TBCD: variants seen among roughly 807,000 people sequenced by gnomAD.
The protein encoded by TBCD is tubulin folding cofactor D, also known as tubulin-specific chaperone D.
TBCD carries 105 observed loss-of-function variants against 169.3 expected under a neutral mutation model. That is an observed-to-expected ratio of 0.62 (90% CI 0.53 to 0.73). The LOEUF (loss-of-function observed/expected upper bound fraction) is 0.73, where lower values mean the gene tolerates loss of function less well. Among genes scored for constraint, TBCD ranks in the 30% least tolerant of loss-of-function variants. The probability of loss-of-function intolerance (pLI) is 0.00; values close to 1 mark genes in which losing one functional copy is unlikely to be tolerated. For missense variants in TBCD, 1,444 were observed against 1,600.1 expected (o/e 0.90, Z 1.66); for synonymous variants, 700 against 643.9 (o/e 1.09, Z -1.32).
At position 82,844,596 on chromosome 17, in the gene TBCD, G is replaced by C. The variant is rs2054842531; in HGVS notation, c.1319-25628G>C. Among the ~76,000 whole-genome samples the C allele has an allele frequency of 2.0e-5, 3 of 152,060 alleles. No homozygotes were observed. In the South Asian group the frequency reaches 6.2e-4, roughly 32 times the overall value. ...GGCTTCTTGGTCTGAGGCATTTCCT[G>C]CTGTCCCTGCACTTCCAGGCTCCTC... On this transcript the variant is annotated intron_variant, in intron 13 of 38. Coordinates refer to ENST00000355528, the MANE Select transcript of TBCD (RefSeq NM_005993.5).
chr17:82,916,808 T>C (rs2061067446), intron 23 of TBCD, among the ~76,000 whole-genome samples: 1 of 152,132 alleles, frequency 6.6e-6, no homozygotes, highest in Non-Finnish European at 1.5e-5. Flanking sequence ...TTCATACTTG[T>C]TCCATAATCT....
intron 12 of TBCD, among the ~76,000 whole-genome samples, chr17:82,812,184 T>C (rs1278744877): frequency 6.6e-6 from 1 of 152,068 alleles, no homozygotes; most frequent in Admixed American, 6.5e-5. Flanking sequence ...CCAACCCCAT[T>C]GGTTTCTCCC....
intron 18 of TBCD, among the ~76,000 whole-genome samples, chr17:82,901,530 T>TGCTTCCTGGGGAGCGGCCCG (rs1201883201): frequency 5.3e-4 from 74 of 140,656 alleles, no homozygotes; most frequent in African/African-American, 2.0e-3. Context: ...ACTGTGGTCC[T>TGCTTCCTGGGGAGCGGCCCG]GCTGCCTACT....
At chr17:82,891,408 G>C (rs2059126949) in intron 16 of TBCD, among the ~76,000 whole-genome samples, 1 of 152,252 alleles carries the variant, frequency 6.6e-6, no homozygotes, top group African/African-American at 2.4e-5. Flanking sequence ...TGACCAGCAT[G>C]CGGACGGCAG....
intron 13 of TBCD, chr17:82,858,637 C>G: frequency 2.0e-6 from 2 of 985,396 alleles, no homozygotes; most frequent in Non-Finnish European, 2.4e-6. Context: ...ACACAGGACA[C>G]TTTTTAGGGT....
Position 82,923,865 on chromosome 17 carries a change from T to A in TBCD, c.2260+132T>A. ...ACCACGATCATGGCTGGAGTGGGAC[T>A]GTTCGGGTCTCAGGTTCCCAGCCGA... On this transcript the variant is annotated intron_variant, in intron 26 of 38. Transcript: ENST00000355528. The surrounding 1 kb of genome is among the most constrained non-coding windows in gnomAD (Gnocchi z 4.6). 1.4e-6 allele frequency: 1 copy of A among 714,744 alleles called. No individual in the cohort carries two copies. The highest frequency in any genetic ancestry group is 2.3e-6 in the Non-Finnish European group (1 of 437,484). 44.3% of individuals were successfully genotyped at this position (714,744 alleles called of 1,614,324 possible).
intron 13 of TBCD, among the ~76,000 whole-genome samples, chr17:82,855,235 C>CTTTTTTTTTTTTTT (rs58346723): frequency 1.9e-5 from 1 of 53,992 alleles, no homozygotes; most frequent in African/African-American, 6.5e-5. Context: ...AAGGTGTTTG[C>CTTTTTTTTTTTTTT]TTTTTTTTTT....
At chr17:82,917,756 C>T (rs190218999) in intron 23 of TBCD, among the ~76,000 whole-genome samples, 35 of 152,308 alleles carry the variant, frequency 2.3e-4, no homozygotes, top group African/African-American at 7.2e-4. Flanking sequence ...AGGGCTCTAC[C>T]GCTTCTCCCT....
At chr17:82,791,313 GATCTCCTGACCTC>G (rs1343777137) in intron 7 of TBCD, among the ~76,000 whole-genome samples, 1 of 152,018 alleles carries the variant, frequency 6.6e-6, no homozygotes, top group Non-Finnish European at 1.5e-5. Flanking sequence ...GGATGGTCTC[GATCTCCTGACCTC>G]GTGATCTGCC....
rs377189199 is a variant in TBCD at position 82,927,285 on chromosome 17, C to T, written c.2571C>T (p.Asp857=). Residue 857 remains aspartate (D), a synonymous_variant, in exon 29 of 39, where the codon GAC becomes GAT. Coordinates refer to ENST00000355528, the MANE Select transcript of TBCD (RefSeq NM_005993.5). Reference sequence around the variant, plus strand: ...ACTGTGCGCTGCTGGGCTGCATGGACGACTACACCACGGACAGCAGAGGGG... The same window carrying T: ...ACTGTGCGCTGCTGGGCTGCATGGATGACTACACCACGGACAGCAGAGGGG... ...QIYCALLGCM[D]DYTTDSRGDV... The T allele has an allele frequency of 1.9e-5, 30 of 1,613,962 alleles. No homozygotes were observed. The highest frequency in any genetic ancestry group is 1.0e-4 in the Admixed American group (6 of 60,020).
At chr17:82,934,452 T>G (rs2147417758) in intron 34 of TBCD, among the ~76,000 whole-genome samples, 1 of 152,336 alleles carries the variant, frequency 6.6e-6, no homozygotes, top group Non-Finnish European at 1.5e-5. Context: ...TATTATCCTT[T>G]AATACAATGC....
chr17:82,898,638 T>TC (rs11409473), intron 17 of TBCD, among the ~76,000 whole-genome samples: 151,227 of 152,186 alleles, frequency 0.99, 75,145 homozygotes, highest in East Asian at 1. Flanking sequence ...GGTTGTTTTT[T>TC]CAGATTTGTT....
intron 32 of TBCD, 147 bp downstream of exon 32, chr17:82,929,647 C>A: frequency 2.7e-6 from 3 of 1,130,446 alleles, no homozygotes; most frequent in East Asian, 5.1e-5. Flanking sequence ...GGGTCAGGGG[C>A]CCAGTGTCTT....
chr17:82,841,344 G>T (rs914217215), intron 13 of TBCD, among the ~76,000 whole-genome samples: 1 of 151,106 alleles, frequency 6.6e-6, no homozygotes, highest in Non-Finnish European at 1.5e-5. Flanking sequence ...TTGAGACAGG[G>T]TCTTGCCCTG....
At position 82,835,795 on chromosome 17, in the gene TBCD, GTTCT is replaced by G. The variant is rs751073626; in HGVS notation, c.1318+20864_1318+20867del. Among the ~76,000 whole-genome samples, 23 of 152,292 alleles carry G rather than the reference GTTCT, an allele frequency of 1.5e-4. No individual in the cohort carries two copies. Among genetic ancestry groups the G allele is most frequent in the Non-Finnish European group, 2.6e-4 (18 of 68,028 alleles). ...AACTGCCTCTATTAACATACTTTAA[GTTCT>G]TTAAGACATTTATTTACTAAGAAGT... On this transcript the variant is annotated intron_variant, in intron 13 of 38. Coordinates refer to ENST00000355528, the MANE Select transcript of TBCD (RefSeq NM_005993.5). The surrounding 1 kb of genome is among the most constrained non-coding windows in gnomAD (Gnocchi z 4.5).
Position 82,920,046 on chromosome 17 carries a change from C to T in TBCD, c.2039-510C>T, listed in dbSNP as rs1262325175. Among the ~76,000 whole-genome samples the T allele has an allele frequency of 6.6e-6, 1 of 152,196 alleles. No homozygotes were observed. The highest frequency in any genetic ancestry group is 1.5e-5 in the Non-Finnish European group (1 of 68,036). On this transcript the variant is annotated intron_variant, in intron 23 of 38. Coordinates refer to ENST00000355528, the MANE Select transcript of TBCD (RefSeq NM_005993.5). The surrounding 1 kb of genome is among the most constrained non-coding windows in gnomAD (Gnocchi z 4.1). Reference sequence around the variant, plus strand: ...GCTGATGCTGTCCAGTCGTCTCTGTCTCGTGCGTCCTGGCCCCCTCGTGGC... The same window carrying T: ...GCTGATGCTGTCCAGTCGTCTCTGTTTCGTGCGTCCTGGCCCCCTCGTGGC...
At chr17:82,788,326 C>T (rs192922293) in intron 7 of TBCD, among the ~76,000 whole-genome samples, 10 of 152,214 alleles carry the variant, frequency 6.6e-5, no homozygotes, top group African/African-American at 2.4e-4. Flanking sequence ...GTTTCTAGTG[C>T]TCTGATTGGA....
At chr17:82,798,915 T>G (rs754756556) in intron 8 of TBCD, among the ~76,000 whole-genome samples, 41 of 152,150 alleles carry the variant, frequency 2.7e-4, no homozygotes, top group Non-Finnish European at 5.0e-4. Context: ...GCTAATTTTT[T>G]TAGCAGTGGG....
intron 15 of TBCD, among the ~76,000 whole-genome samples, chr17:82,885,424 A>G (rs559970719): frequency 6.6e-6 from 1 of 152,276 alleles, no homozygotes; most frequent in South Asian, 2.1e-4. Context: ...AGTAGTTAGA[A>G]GTCTTTCTCT....
Sources: allele counts gnomAD v4.1 joint callset (sites outside exome capture counted in the v4.1 genomes callset), GRCh38; gene constraint gnomAD v4.1.1; non-coding constraint Gnocchi (gnomAD v3.1); transcripts MANE v1.5; gene names NCBI Gene and HGNC (gene_info 2026-07-23, HGNC 2026-07-21).